The following PRPF8 variants were observed in gnomAD, a reference collection of about 807,000 sequenced individuals.
The protein encoded by PRPF8 is pre-mRNA processing factor 8, also known as pre-mRNA-processing-splicing factor 8.
Under a neutral mutation model 285.9 loss-of-function variants are expected in PRPF8, and 64 were observed. The observed-to-expected ratio is 0.22, with a 90% confidence interval of 0.18 to 0.28. The LOEUF (loss-of-function observed/expected upper bound fraction) is 0.28. PRPF8 is among the 10% of genes least tolerant of loss of function. The probability of loss-of-function intolerance (pLI) is 1.00; values close to 1 mark genes in which losing one functional copy is unlikely to be tolerated. For synonymous variants in PRPF8, 1,325 were observed against 1,118.2 expected, an observed-to-expected ratio of 1.18 and a Z score of -3.69; for missense variants, 1,426 against 3,026.7, an observed-to-expected ratio of 0.47 and a Z score of 12.41.
Position 1,655,666 on chromosome 17 carries a change from G to A in PRPF8, c.5794-123C>T, listed in dbSNP as rs111520151. 8.0e-4 allele frequency: 676 copies of A among 844,118 alleles called. 1 individual carries two copies. The highest frequency in any genetic ancestry group is 1.0e-3 in the Middle Eastern group (3 of 2,950). The allele number at this position is 844,118 out of a possible 1,614,324, so 52.3% of individuals were successfully genotyped here. On this transcript the variant is annotated intron_variant, in intron 36 of 42. Transcript: ENST00000304992. ...TTTTGAGACAGAGTCTTGCTCTGTC[G>A]CCCAGGCTGGAGTGCAGTGGCATGA...
rs772763519 is a variant in PRPF8 at position 1,680,732 on chromosome 17, T to A, written c.1092A>T (p.Ser364=). 5.0e-6 allele frequency: 8 copies of A among 1,612,128 alleles called. No individual in the cohort carries two copies. The East Asian group carries it at 1.6e-4, about 31-fold the overall frequency. The change falls in exon 8 of 43, where the codon TCA becomes TCT. Residue 364 remains serine (S), a synonymous_variant. Coordinates refer to ENST00000304992, the MANE Select transcript of PRPF8 (RefSeq NM_006445.4). The part of the protein sequence containing the change: ...PLINPISHRH[S]VKSQEPLPDD... ...CATCCCTTCCCTTCCTCACCTTGAC[T>A]GAGTGCCTATGGGAGATTGGGTTGA...
Position 1,673,889 on chromosome 17 carries a change from G to A in PRPF8, c.3303C>T (p.Phe1101=), listed in dbSNP as rs1422149923. 6.2e-7 allele frequency: 1 copy of A among 1,612,826 alleles called. No homozygotes were observed. Among genetic ancestry groups the A allele is most frequent in the Non-Finnish European group, 8.5e-7 (1 of 1,180,004 alleles). The change falls in exon 22 of 43, where the codon TTC becomes TTT. Residue 1101 remains phenylalanine, a synonymous_variant. Transcript: ENST00000304992. This position sits in a 1 kb window ranked among gnomAD's most constrained non-coding sequence, Gnocchi z 5.5. ...TCAGGTCCCGAGCCTCATCTGCTGT[G>A]AACCTACACCAGACCAGGTACACTG... ...YIDRIHIFFR[F]TADEARDLIQ...
chr17:1,669,130 G>A (rs62089966), intron 24 of PRPF8, among the ~76,000 whole-genome samples: 3,807 of 152,118 alleles, frequency 0.025, 70 homozygotes, highest in Non-Finnish European at 0.04. Flanking sequence ...TCTTCGAGAC[G>A]GAGTCTTGCT....
chr17:1,660,875 C>A, intron 28 of PRPF8, 48 bp from the exon 29 acceptor site: 1 of 1,612,982 alleles, frequency 6.2e-7, no homozygotes, highest in Non-Finnish European at 8.5e-7. Context: ...CATTTCCCAG[C>A]ACACTGCTAA....
Position 1,659,833 on chromosome 17 carries a change from G to A in PRPF8, c.4946+8C>T, listed in dbSNP as rs948736667. ...TGGCTGCCTAGGGCTGGGTCCTGAG[G>A]CACTTACTTGGAGTCAGCCAGCAAT... On this transcript the variant is annotated splice_region_variant and intron_variant, in intron 31 of 42. Coordinates refer to ENST00000304992, the MANE Select transcript of PRPF8 (RefSeq NM_006445.4). The surrounding 1 kb of genome is among the most constrained non-coding windows in gnomAD (Gnocchi z 5.1). 1 of 1,614,010 alleles carries A rather than the reference G, an allele frequency of 6.2e-7. No homozygotes were observed. Among genetic ancestry groups the A allele is most frequent in the Non-Finnish European group, 8.5e-7 (1 of 1,179,936 alleles).
At chr17:1,681,160 C>A in intron 6 of PRPF8, 106 bp from the exon 7 acceptor site, 1 of 1,250,884 alleles carries the variant, frequency 8.0e-7, no homozygotes, top group Non-Finnish European at 1.2e-6. Context: ...TTCACTGCAG[C>A]CGTGACCTCC....
intron 24 of PRPF8, among the ~76,000 whole-genome samples, chr17:1,664,457 T>C (rs932987445): frequency 1.3e-5 from 2 of 152,134 alleles, no homozygotes; most frequent in African/African-American, 4.8e-5. Flanking sequence ...GATTAACAGA[T>C]ATTTTCCAGC....
Position 1,681,927 on chromosome 17 carries a change from G to T in PRPF8, c.546C>A (p.Ile182=). The change falls in exon 5 of 43, where the codon ATC becomes ATA. Residue 182 remains isoleucine (I), a synonymous_variant. Coordinates refer to ENST00000304992, the MANE Select transcript of PRPF8 (RefSeq NM_006445.4). ...EEPPLDYADN[I]LDVEPLEAIQ... ...TGGCCTCCAGTGGCTCAACATCTAGGATGTTGTCAGCATAGTCCAAGGGCG... is the reference window on the plus strand; with the variant it reads ...TGGCCTCCAGTGGCTCAACATCTAGTATGTTGTCAGCATAGTCCAAGGGCG... 1 of 1,613,950 alleles carries T rather than the reference G, an allele frequency of 6.2e-7. No individual in the cohort carries two copies. Among genetic ancestry groups the T allele is most frequent in the Non-Finnish European group, 8.5e-7 (1 of 1,179,996 alleles).
chr17:1,656,627 T>TACCCC, intron 35 of PRPF8, 21 bp downstream of exon 35: 1 of 1,613,906 alleles, frequency 6.2e-7, no homozygotes, highest in Non-Finnish European at 8.5e-7. Context: ...TCTTTTCTCC[T>TACCCC]ACCCCACCCC....
At chr17:1,669,208 G>C (rs1912169572) in intron 24 of PRPF8, among the ~76,000 whole-genome samples, 1 of 152,162 alleles carries the variant, frequency 6.6e-6, no homozygotes, top group Non-Finnish European at 1.5e-5. Flanking sequence ...CCGGGTTCAA[G>C]CAATTCTCCT....
At chr17:1,655,637 T>C (rs1377960859) in intron 36 of PRPF8, 94 bp from the exon 37 acceptor site, 9 of 1,207,328 alleles carry the variant, frequency 7.5e-6, no homozygotes, top group Middle Eastern at 5.1e-4. Flanking sequence ...ATTTTTTTTT[T>C]TTCTTTTGAG....
At chr17:1,666,107 A>C (rs1436862057) in intron 24 of PRPF8, among the ~76,000 whole-genome samples, 2 of 151,644 alleles carry the variant, frequency 1.3e-5, no homozygotes, top group Non-Finnish European at 2.9e-5. Flanking sequence ...CGGAGCTTGC[A>C]GTGAGCAGAG....
At chr17:1,677,844 G>C (rs956312639) in intron 13 of PRPF8, 150 bp from the exon 14 acceptor site, 3 of 1,005,106 alleles carry the variant, frequency 3.0e-6, no homozygotes, top group African/African-American at 3.3e-5. Flanking sequence ...AAAAAACTCT[G>C]GGACCTCAAC....
rs774199954 is a variant in PRPF8, at chr17:1,661,223, T to C, written c.4338+48A>G. Reference sequence around the variant, plus strand: ...TGCCTATTGCCCCAAGTTTCGGGGATAGCCATGGATTTTCCTGACTCAGGG... The same window carrying C: ...TGCCTATTGCCCCAAGTTTCGGGGACAGCCATGGATTTTCCTGACTCAGGG... On this transcript the variant is annotated intron_variant, in intron 27 of 42. Transcript: ENST00000304992. The surrounding 1 kb of genome is among the most constrained non-coding windows in gnomAD (Gnocchi z 7.3). 3.1e-6 allele frequency: 5 copies of C among 1,614,148 alleles called. No individual in the cohort carries two copies. Among genetic ancestry groups the C allele is most frequent in the African/African-American group, 1.3e-5 (1 of 75,034 alleles).
intron 24 of PRPF8, among the ~76,000 whole-genome samples, chr17:1,663,184 C>T (rs1307292050): frequency 6.6e-6 from 1 of 151,726 alleles, no homozygotes; most frequent in East Asian, 1.9e-4. Flanking sequence ...TACTGTAAAC[C>T]TTAGAGCAAA....
chr17:1,651,441 C>A lies in PRPF8; in HGVS notation c.6623G>T (p.Gly2208Val). ...KIMADNPSWD[G>V]EKTIIITCSF... ...GCATGTGATGATAATGGTCTTCTCG[C>A]CATCCCAAGATGGGTTGTCAGCCAT... Residue 2208 changes from glycine to valine, a missense_variant, in exon 41 of 43, where the codon GGC becomes GTC. Physicochemically the swap from Gly to Val is moderately radical, Grantham distance 109 (BLOSUM62 -3). Coordinates refer to ENST00000304992, the MANE Select transcript of PRPF8 (RefSeq NM_006445.4). The surrounding 1 kb of genome is among the most constrained non-coding windows in gnomAD (Gnocchi z 5.1). 3 of 1,614,178 alleles carry A rather than the reference C, an allele frequency of 1.9e-6. No homozygotes were observed. The highest frequency in any genetic ancestry group is 2.5e-6 in the Non-Finnish European group (3 of 1,180,024).
In PRPF8 at chr17:1,676,901, CT is replaced by C. The variant is rs983752859; in HGVS notation, c.2181+74del. Reference sequence around the variant, plus strand: ...AAAGAGATTGGAGCCAGATAGCCCCCTAATGATTCCCGAAGTGGTAATCCTA... The same window carrying C: ...AAAGAGATTGGAGCCAGATAGCCCCCAATGATTCCCGAAGTGGTAATCCTA... On this transcript the variant is annotated intron_variant, in intron 15 of 42. Transcript: ENST00000304992. The surrounding 1 kb of genome is among the most constrained non-coding windows in gnomAD (Gnocchi z 6.3). 1.9e-6 allele frequency: 3 copies of C among 1,565,596 alleles called. No homozygotes were observed. The highest frequency in any genetic ancestry group is 1.4e-5 in the African/African-American group (1 of 73,954).
chr17:1,684,142 C>A (rs770725130), intron 2 of PRPF8, among the ~76,000 whole-genome samples: 1 of 152,178 alleles, frequency 6.6e-6, no homozygotes, highest in Non-Finnish European at 1.5e-5. Context: ...CCGCCTGGGC[C>A]TCCCAAAGTG....
rs1258907647 is a variant in PRPF8 at position 1,675,698 on chromosome 17, T to C, written c.2794A>G (p.Lys932Glu). ...ATCCAGGGTGGGAACAGGCGGCGCT[T>C]GTCGGCTTCATACCACAGGTACTGG... ...LDQYLWYEAD[K>E]RRLFPPWIKP... Residue 932 changes from lysine (K) to glutamate (E), a missense_variant, in exon 19 of 43, where the codon AAG (lysine) becomes GAG (glutamate). Lys to Glu is a moderately conservative substitution (Grantham distance 56). Transcript: ENST00000304992. The surrounding 1 kb of genome is among the most constrained non-coding windows in gnomAD (Gnocchi z 6.0). The C allele has an allele frequency of 6.2e-7, 1 of 1,614,048 alleles. No individual in the cohort carries two copies. Among genetic ancestry groups the C allele is most frequent in the Non-Finnish European group, 8.5e-7 (1 of 1,180,046 alleles).
Sources: gnomAD v4.1 joint callset for allele counts (sites outside exome capture counted in the v4.1 genomes callset) on GRCh38, gnomAD v4.1.1 for gene constraint, Gnocchi (gnomAD v3.1) non-coding constraint, MANE v1.5 for transcripts, NCBI Gene and HGNC (gene_info 2026-07-23, HGNC 2026-07-21) for gene names.